FBRSL1: variants seen among roughly 807,000 people sequenced by gnomAD.
FBRSL1 encodes fibrosin-1-like protein.
In FBRSL1, 51 loss-of-function variants were observed where a neutral mutation model predicts 89.6. The observed-to-expected ratio is 0.57, with a 90% CI of 0.45 to 0.72. The LOEUF is 0.72. Among genes scored for constraint, FBRSL1 ranks in the 30% least tolerant of loss-of-function variants. FBRSL1 has a pLI of 0.00. For synonymous variants in FBRSL1, 779 were observed against 681.1 expected, an observed-to-expected ratio of 1.14 and a Z score of -2.24; for missense variants, 1,618 against 1,451.8, an observed-to-expected ratio of 1.11 and a Z score of -1.86.
intron 5 of FBRSL1, among the ~76,000 whole-genome samples, chr12:132,567,263 CAG>C (rs1266028194): frequency 3.3e-5 from 5 of 152,216 alleles, no homozygotes; most frequent in Non-Finnish European, 7.3e-5. Flanking sequence ...CTGCTCTGAG[CAG>C]AGAGGGGCCT....
chr12:132,582,890 A>G (rs1311533441), intron 18 of FBRSL1, 81 bp from the exon 19 acceptor site: 1 of 1,177,570 alleles, frequency 8.5e-7, no homozygotes, highest in Admixed American at 4.3e-5. Flanking sequence ...AGGCCCCGAC[A>G]AGCAACGGGA....
chr12:132,531,613 A>G (rs1039535682), intron 4 of FBRSL1, among the ~76,000 whole-genome samples: 3 of 152,050 alleles, frequency 2.0e-5, no homozygotes, highest in Admixed American at 2.0e-4. Context: ...CATGCTGTGC[A>G]TGTGGCATTG....
At chr12:132,522,505 G>A (rs1363999012) in intron 2 of FBRSL1, among the ~76,000 whole-genome samples, 1 of 152,244 alleles carries the variant, frequency 6.6e-6, no homozygotes, top group Non-Finnish European at 1.5e-5. Flanking sequence ...GCCCAGTGGA[G>A]TGCAGCTTGT....
chr12:132,523,757 C>T (rs1455550435), intron 2 of FBRSL1, among the ~76,000 whole-genome samples: 1 of 152,216 alleles, frequency 6.6e-6, no homozygotes, highest in Non-Finnish European at 1.5e-5. Flanking sequence ...CGGTGATACA[C>T]GGTTCCTGGA....
rs1038985219 is a variant in FBRSL1 at position 132,511,270 on chromosome 12, G to C, written c.489+2920G>C. 1.0e-5 allele frequency: 10 copies of C among 985,548 alleles called. No individual in the cohort carries two copies. The African/African-American group carries it at 1.7e-4, about 17-fold the overall frequency. The allele number at this position is 985,548 out of a possible 1,614,324, so 61.1% of individuals were successfully genotyped here. On this transcript the variant is annotated intron_variant, in intron 2 of 18. Transcript: ENST00000680143. Reference sequence around the variant, plus strand: ...GCCTGCAGGGTCTCCAGGCGAGGGGGACCCCACAGGGTGGGCAGCGCCTTC... The same window carrying C: ...GCCTGCAGGGTCTCCAGGCGAGGGGCACCCCACAGGGTGGGCAGCGCCTTC...
chr12:132,534,264 G>A (rs776529331), intron 4 of FBRSL1, among the ~76,000 whole-genome samples: 4 of 152,376 alleles, frequency 2.6e-5, no homozygotes, highest in East Asian at 1.9e-4. Context: ...AGGGTGGGAC[G>A]CCACGTGCGT....
At position 132,539,218 on chromosome 12, in the gene FBRSL1, C is replaced by T. The variant is rs180955062; in HGVS notation, c.616-8785C>T. The stretch of plus-strand genomic sequence containing the variant: ...CTCCAGAGAAGAAAGGCCTGGGGAG[C>T]GGGCGGAGAGTGTCTATGCTAGGAT... On this transcript the variant is annotated intron_variant, in intron 4 of 18. Coordinates refer to ENST00000680143, the MANE Select transcript of FBRSL1 (RefSeq NM_001367871.1). Among the ~76,000 whole-genome samples, 11 of 152,154 alleles carry T rather than the reference C, an allele frequency of 7.2e-5. No homozygotes were observed. The East Asian group carries it at 1.5e-3, about 21-fold the overall frequency.
intron 9 of FBRSL1, chr12:132,571,515 A>G (rs781064467): frequency 8.0e-6 from 12 of 1,506,700 alleles, no homozygotes; most frequent in Non-Finnish European, 1.1e-5. Context: ...CGCCCGCCGC[A>G]CCCCCGCCGG....
chr12:132,538,217 C>A (rs1317442330), intron 4 of FBRSL1, among the ~76,000 whole-genome samples: 2 of 152,176 alleles, frequency 1.3e-5, no homozygotes, highest in South Asian at 4.1e-4. Flanking sequence ...GCTGCCTGTC[C>A]TTCTAACCAG....
chr12:132,501,749 C>T (rs534533439), intron 1 of FBRSL1, among the ~76,000 whole-genome samples: 7 of 152,256 alleles, frequency 4.6e-5, no homozygotes, highest in African/African-American at 1.2e-4. Context: ...GTGGATTCCT[C>T]GTCCCAGCAG....
Position 132,583,909 on chromosome 12 carries a change from G to C in FBRSL1, c.*131G>C. On this transcript the variant is annotated 3_prime_UTR_variant, in exon 19 of 19. Coordinates refer to ENST00000680143, the MANE Select transcript of FBRSL1 (RefSeq NM_001367871.1). Reference sequence around the variant, plus strand: ...CTCTCCACCCGCAGCCTGCGGAGGCGGGGACTTGGGTGTCGGCTTTTCTGA... The same window carrying C: ...CTCTCCACCCGCAGCCTGCGGAGGCCGGGACTTGGGTGTCGGCTTTTCTGA... The C allele has an allele frequency of 2.7e-6, 1 of 371,652 alleles. No homozygotes were observed. The highest frequency in any genetic ancestry group is 4.3e-6 in the Non-Finnish European group (1 of 233,178). The allele number at this position is 371,652 out of a possible 1,614,324, so 23.0% of individuals were successfully genotyped here. A position where few individuals can be genotyped will look rare whatever the true frequency, so the allele number is the denominator to read the frequency against.
intron 5 of FBRSL1, among the ~76,000 whole-genome samples, chr12:132,556,754 CCCAA>C (rs1566196781): frequency 6.9e-5 from 2 of 28,962 alleles, no homozygotes; most frequent in African/African-American, 2.2e-4. Context: ...CGTGCTGCAC[CCCAA>C]CCCCTGTCCT....
intron 5 of FBRSL1, among the ~76,000 whole-genome samples, chr12:132,558,794 C>T (rs2038880351): frequency 1.3e-5 from 2 of 152,258 alleles, no homozygotes; most frequent in Admixed American, 1.3e-4. Context: ...GCCTTCCAAG[C>T]CCAGAAATAG....
intron 1 of FBRSL1, among the ~76,000 whole-genome samples, chr12:132,496,649 TGTGA>T (rs1426127919): frequency 6.6e-6 from 1 of 152,246 alleles, no homozygotes; most frequent in East Asian, 1.9e-4. Context: ...GCGCTGGATT[TGTGA>T]GTGTGTCCAG....
At chr12:132,511,328 C>T (rs1251488719) in intron 2 of FBRSL1, 28 of 985,546 alleles carry the variant, frequency 2.8e-5, no homozygotes, top group South Asian at 1.9e-4. Context: ...TGCAGCGTCC[C>T]GTCTGGCTGT....
At chr12:132,498,464 C>T (rs1030643241) in intron 1 of FBRSL1, among the ~76,000 whole-genome samples, 1 of 152,208 alleles carries the variant, frequency 6.6e-6, no homozygotes, top group African/African-American at 2.4e-5. Flanking sequence ...CCCCTCCCGG[C>T]CCCTAGCCCT....
chr12:132,536,219 C>T (rs187777877), intron 4 of FBRSL1, among the ~76,000 whole-genome samples: 2,403 of 147,186 alleles, frequency 0.016, 76 homozygotes, highest in African/African-American at 0.056. Context: ...TGTGAGTGCA[C>T]GTGTAAAATG....
In FBRSL1 at chr12:132,581,396, G is replaced by T. The variant is rs758356549; in HGVS notation, c.1835-43G>T. On this transcript the variant is annotated intron_variant, in intron 15 of 18. Transcript: ENST00000680143. ...ACAGAGCTGCAGATGGGAGGCCCTG[G>T]TGCTCTCTCCTGGCTTCTGTCAAAC... 1.9e-6 allele frequency: 3 copies of T among 1,550,590 alleles called. No homozygotes were observed. The African/African-American group carries it at 4.1e-5, about 21-fold the overall frequency.
At chr12:132,510,182 C>A (rs1180182707) in intron 2 of FBRSL1, 1 of 1,231,414 alleles carries the variant, frequency 8.1e-7, no homozygotes, top group Non-Finnish European at 1.0e-6. Context: ...CGCTCATGGG[C>A]CCCAACAAGC....
Sources: allele counts gnomAD v4.1 joint callset (sites outside exome capture counted in the v4.1 genomes callset), GRCh38; gene constraint gnomAD v4.1.1; transcripts MANE v1.5; gene names NCBI Gene and HGNC (gene_info 2026-07-23, HGNC 2026-07-21).